The following PEBP4 variants were observed in gnomAD, a reference collection of about 807,000 sequenced individuals.
PEBP4 encodes phosphatidylethanolamine-binding protein 4.
In PEBP4, 22 loss-of-function variants were observed where a neutral mutation model predicts 23.9. The observed-to-expected ratio is 0.92, with a 90% CI of 0.66 to 1.31. PEBP4 has a LOEUF of 1.31. PEBP4 is among the 40% of genes most tolerant of loss of function. The probability of loss-of-function intolerance (pLI) is 0.00; values close to 1 mark genes in which losing one functional copy is unlikely to be tolerated. For missense variants in PEBP4, 324 were observed against 281.7 expected, an observed-to-expected ratio of 1.15 and a Z score of -1.07; for synonymous variants, 112 against 99.3, an observed-to-expected ratio of 1.13 and a Z score of -0.76.
intron 3 of PEBP4, among the ~76,000 whole-genome samples, chr8:22,845,658 C>T (rs1043036902): frequency 6.6e-6 from 1 of 152,236 alleles, no homozygotes; most frequent in African/African-American, 2.4e-5. Context: ...CTGTGGCCTG[C>T]TGGGGGAAAC....
chr8:22,938,805 G>A (rs6557604), intron 1 of PEBP4, among the ~76,000 whole-genome samples: 125,251 of 152,178 alleles, frequency 0.82, 51,768 homozygotes, highest in African/African-American at 0.89. Context: ...TTCTGTGCAC[G>A]TACTTCATTC....
intron 4 of PEBP4, among the ~76,000 whole-genome samples, chr8:22,790,482 G>A (rs1224939160): frequency 6.6e-6 from 1 of 152,210 alleles, no homozygotes; most frequent in Non-Finnish European, 1.5e-5. Flanking sequence ...GGGCACGGAA[G>A]AGGAAGACAT....
At chr8:22,836,257 A>G (rs954055034) in intron 3 of PEBP4, among the ~76,000 whole-genome samples, 3 of 152,256 alleles carry the variant, frequency 2.0e-5, no homozygotes, top group African/African-American at 4.8e-5. Flanking sequence ...GAAGCGATCA[A>G]CACATGAAAG....
intron 4 of PEBP4, among the ~76,000 whole-genome samples, chr8:22,817,216 G>A (rs899232375): frequency 6.6e-6 from 1 of 152,188 alleles, no homozygotes; most frequent in Non-Finnish European, 1.5e-5. Context: ...TCTCCTGGCC[G>A]GTTCTGCCAC....
At chr8:22,894,222 ACTT>A (rs965427095) in intron 3 of PEBP4, among the ~76,000 whole-genome samples, 6 of 152,160 alleles carry the variant, frequency 3.9e-5, no homozygotes, top group East Asian at 1.9e-4. Flanking sequence ...GAATAAGATG[ACTT>A]CTTCTGCCAG....
At chr8:22,783,182 TCCA>T (rs1277267913) in intron 4 of PEBP4, among the ~76,000 whole-genome samples, 1 of 152,228 alleles carries the variant, frequency 6.6e-6, no homozygotes, top group African/African-American at 2.4e-5. Context: ...TCTCCCCCAT[TCCA>T]ACCTTTTATT....
At chr8:22,867,161 A>G (rs1807921612) in intron 3 of PEBP4, among the ~76,000 whole-genome samples, 1 of 152,230 alleles carries the variant, frequency 6.6e-6, no homozygotes, top group Non-Finnish European at 1.5e-5. Flanking sequence ...TAAGAGAGCC[A>G]TCCCAGAGTG....
chr8:22,909,334 C>T (rs557350042), intron 3 of PEBP4, among the ~76,000 whole-genome samples: 151 of 152,210 alleles, frequency 9.9e-4, no homozygotes, highest in Non-Finnish European at 1.9e-3. Context: ...CTCCGCATTG[C>T]CAGCACCTGG....
chr8:22,723,706 T>C (rs1804565670), intron 6 of PEBP4, among the ~76,000 whole-genome samples: 1 of 152,230 alleles, frequency 6.6e-6, no homozygotes, highest in Admixed American at 6.5e-5. Flanking sequence ...TTTAAACAGA[T>C]TCACGGATTG....
intron 3 of PEBP4, among the ~76,000 whole-genome samples, chr8:22,918,354 T>A (rs1010487841): frequency 3.9e-5 from 6 of 152,120 alleles, no homozygotes; most frequent in Non-Finnish European, 7.3e-5. Context: ...TCCTCATAAA[T>A]CTCTATGTTC....
chr8:22,726,037 G>A (rs556011322), intron 5 of PEBP4, among the ~76,000 whole-genome samples: 4 of 147,576 alleles, frequency 2.7e-5, no homozygotes, highest in East Asian at 4.0e-4. Context: ...GTGTGCACGC[G>A]CATGTGCACT....
At chr8:22,793,312 G>C (rs879450279) in intron 4 of PEBP4, among the ~76,000 whole-genome samples, 2 of 151,998 alleles carry the variant, frequency 1.3e-5, no homozygotes, top group African/African-American at 4.8e-5. Context: ...CGTCACCTAG[G>C]CTGGAGTGCA....
intron 4 of PEBP4, among the ~76,000 whole-genome samples, chr8:22,779,304 C>T (rs13256678): frequency 6.6e-6 from 1 of 152,168 alleles, no homozygotes; most frequent in African/African-American, 2.4e-5. Context: ...CCCCACAACC[C>T]TAAGACGGCT....
intron 4 of PEBP4, among the ~76,000 whole-genome samples, chr8:22,733,652 G>A (rs1804785712): frequency 6.6e-6 from 1 of 152,074 alleles, no homozygotes; most frequent in Non-Finnish European, 1.5e-5. Flanking sequence ...CTTGAGTGAG[G>A]GAGAGGACTT....
intron 3 of PEBP4, among the ~76,000 whole-genome samples, chr8:22,898,841 T>A (rs1055564469): frequency 6.6e-6 from 1 of 152,044 alleles, no homozygotes; most frequent in Admixed American, 6.5e-5. Context: ...AGGGGCTGGG[T>A]CCTGAGGAGG....
chr8:22,933,292 A>C (rs951414012), intron 1 of PEBP4, among the ~76,000 whole-genome samples: 1 of 152,218 alleles, frequency 6.6e-6, no homozygotes, highest in Non-Finnish European at 1.5e-5. Context: ...TGAGACATAC[A>C]ACAGACCATC....
intron 3 of PEBP4, among the ~76,000 whole-genome samples, chr8:22,841,219 G>A (rs1236070315): frequency 6.6e-6 from 1 of 152,256 alleles, no homozygotes; most frequent in Admixed American, 6.5e-5. Context: ...ACCCAGCTCT[G>A]TCTGACTGCG....
intron 3 of PEBP4, among the ~76,000 whole-genome samples, chr8:22,882,307 G>A (rs1808276078): frequency 1.3e-5 from 2 of 152,200 alleles, no homozygotes; most frequent in African/African-American, 2.4e-5. Flanking sequence ...GAAAGTGTGC[G>A]TCAACAGCAC....
chr8:22,716,922 T>C (rs926821008), intron 6 of PEBP4, among the ~76,000 whole-genome samples: 5 of 151,980 alleles, frequency 3.3e-5, no homozygotes, highest in African/African-American at 1.2e-4. Context: ...CCTTGGCGAG[T>C]TTCTAATATA....
Sources: gnomAD v4.1 joint callset for allele counts (sites outside exome capture counted in the v4.1 genomes callset) on GRCh38, gnomAD v4.1.1 for gene constraint, MANE v1.5 for transcripts, NCBI Gene and HGNC (gene_info 2026-07-23, HGNC 2026-07-21) for gene names.